The following RABGAP1L variants were observed in gnomAD, a reference collection of about 807,000 sequenced individuals.
RABGAP1L encodes rab GTPase-activating protein 1-like.
Under a neutral mutation model 137.7 loss-of-function variants are expected in RABGAP1L, and 63 were observed. The ratio of observed to expected loss-of-function variants is 0.46; its 90% CI spans 0.37 to 0.56. RABGAP1L has a LOEUF of 0.56. Ranked by LOEUF, RABGAP1L falls within the 20% of genes least tolerant of loss-of-function variation. RABGAP1L has a pLI of 0.00. For synonymous variants in RABGAP1L, 431 were observed against 433.7 expected, an observed-to-expected ratio of 0.99 and a Z score of 0.08; for missense variants, 1,095 against 1,244.0, an observed-to-expected ratio of 0.88 and a Z score of 1.80.
At chr1:174,736,008 A>C (rs1431200809) in intron 17 of RABGAP1L, among the ~76,000 whole-genome samples, 3 of 152,220 alleles carry the variant, frequency 2.0e-5, no homozygotes, top group Non-Finnish European at 4.4e-5. Context: ...TATCCAGCCC[A>C]TGTCATTCTA....
chr1:174,635,072 G>T lies in RABGAP1L; in HGVS notation c.1711-2303G>T, dbSNP rs188271839. Reference sequence around the variant, plus strand: ...ATAATAAAATAAAAAAATAAAAAAAGAAAAAAAAGAAAAAAATTACTCAGT... The same window carrying T: ...ATAATAAAATAAAAAAATAAAAAAATAAAAAAAAGAAAAAAATTACTCAGT... On this transcript the variant is annotated intron_variant, in intron 13 of 25. Coordinates refer to ENST00000681986, the MANE Select transcript of RABGAP1L (RefSeq NM_001366446.1). Among the ~76,000 whole-genome samples, 21 of 150,342 alleles carry T rather than the reference G, an allele frequency of 1.4e-4. No homozygotes were observed. In the East Asian group the frequency reaches 2.1e-3, roughly 15 times the overall value.
chr1:174,250,555 T>G lies in RABGAP1L; in HGVS notation c.798T>G (p.Ile266Met), dbSNP rs1433207021. Residue 266 changes from isoleucine (I) to methionine (M), a missense_variant, in exon 6 of 26, where the codon ATT becomes ATG. By Grantham distance (10) the Ile-to-Met change is conservative (BLOSUM62 1). Coordinates refer to ENST00000681986, the MANE Select transcript of RABGAP1L (RefSeq NM_001366446.1). ...TGTCTGATGTTAAAGACTCAGTTATTCCTACCCCCGACAGTGATGTGTTTA... is the reference window on the plus strand; with the variant it reads ...TGTCTGATGTTAAAGACTCAGTTATGCCTACCCCCGACAGTGATGTGTTTA... ...RQVSDVKDSV[I>M]PTPDSDVFTF... 1 of 1,613,830 alleles carries G rather than the reference T, an allele frequency of 6.2e-7. No homozygotes were observed. Among genetic ancestry groups the G allele is most frequent in the African/African-American group, 1.3e-5 (1 of 74,916 alleles).
Position 174,914,728 on chromosome 1 carries a change from CAG to C in RABGAP1L, c.2341-42724_2341-42723del, listed in dbSNP as rs373706665. 3.4e-4 allele frequency among the ~76,000 whole-genome samples: 51 copies of C among 152,114 alleles called. No individual in the cohort carries two copies. In the East Asian group the frequency reaches 6.4e-3, roughly 19 times the overall value. Reference sequence around the variant, plus strand: ...AAATTCACCTGTTTGTGCAATTTAGCAGAGAGTTCACAGAGTTATGCATCCAT... The same window carrying C: ...AAATTCACCTGTTTGTGCAATTTAGCAGAGTTCACAGAGTTATGCATCCAT... On this transcript the variant is annotated intron_variant, in intron 19 of 25. Transcript: ENST00000681986.
intron 18 of RABGAP1L, among the ~76,000 whole-genome samples, chr1:174,790,068 G>T (rs551404954): frequency 6.6e-6 from 1 of 151,714 alleles, no homozygotes; most frequent in African/African-American, 2.4e-5. Context: ...AAATTAGCTG[G>T]CTGTGGTGGC....
rs1447569170 is a variant in RABGAP1L, at chr1:174,873,301, C to T, written c.2340+61341C>T. ...GGCCAGGCTGGTCTCCAACTCCTGACCTCGTGATCCACCCGCCTCGGCCTC... is the reference window on the plus strand; with the variant it reads ...GGCCAGGCTGGTCTCCAACTCCTGATCTCGTGATCCACCCGCCTCGGCCTC... On this transcript the variant is annotated intron_variant, in intron 19 of 25. Transcript: ENST00000681986. Among the ~76,000 whole-genome samples the T allele has an allele frequency of 2.0e-5, 3 of 152,080 alleles. No individual in the cohort carries two copies. In the East Asian group the frequency reaches 5.8e-4, roughly 29 times the overall value.
intron 7 of RABGAP1L, among the ~76,000 whole-genome samples, chr1:174,270,195 CTTT>C (rs758618582): frequency 1.4e-5 from 2 of 139,424 alleles, no homozygotes; most frequent in African/African-American, 2.6e-5. Context: ...GGTGGCAGGG[CTTT>C]TTTTTTTTTT....
chr1:174,348,327 G>T (rs1319774231), intron 11 of RABGAP1L, among the ~76,000 whole-genome samples: 1 of 142,836 alleles, frequency 7.0e-6, no homozygotes, highest in Non-Finnish European at 1.5e-5. Flanking sequence ...AGCAAAAACT[G>T]TGATTACTTT....
chr1:174,252,447 A>T (rs764546264), intron 6 of RABGAP1L, 33 bp from the exon 7 acceptor site: 2 of 1,589,450 alleles, frequency 1.3e-6, no homozygotes, highest in Non-Finnish European at 1.7e-6. Flanking sequence ...TTATTAGATT[A>T]TTGGTAATTC....
intron 19 of RABGAP1L, among the ~76,000 whole-genome samples, chr1:174,955,872 A>G (rs1454628428): frequency 1.3e-5 from 2 of 152,194 alleles, no homozygotes; most frequent in Non-Finnish European, 2.9e-5. Context: ...GCTTCAGCCC[A>G]GGAGTTTGAG....
intron 13 of RABGAP1L, among the ~76,000 whole-genome samples, chr1:174,596,795 G>T (rs575475525): frequency 1.8e-4 from 27 of 152,148 alleles, no homozygotes; most frequent in Non-Finnish European, 3.7e-4. Context: ...TCTTGTTCCA[G>T]ATCTTGGAGG....
chr1:174,907,377 A>T (rs1359652962), intron 19 of RABGAP1L, among the ~76,000 whole-genome samples: 1 of 152,014 alleles, frequency 6.6e-6, no homozygotes, highest in Non-Finnish European at 1.5e-5. Context: ...CAGTGGCATG[A>T]TTATGGTTCA....
intron 13 of RABGAP1L, among the ~76,000 whole-genome samples, chr1:174,395,985 A>G (rs931150717): frequency 1.3e-5 from 2 of 152,162 alleles, no homozygotes; most frequent in Non-Finnish European, 2.9e-5. Flanking sequence ...TAGATATGAT[A>G]ACAAAACCAT....
chr1:174,799,832 CTCA>C, intron 18 of RABGAP1L: 1 of 990,204 alleles, frequency 1.0e-6, no homozygotes, highest in Non-Finnish European at 1.2e-6. Context: ...TTGCAATGAG[CTCA>C]TCGTTTTCTC....
chr1:174,458,717 C>T (rs1314871030), intron 13 of RABGAP1L, among the ~76,000 whole-genome samples: 2 of 152,030 alleles, frequency 1.3e-5, no homozygotes, highest in Non-Finnish European at 2.9e-5. Flanking sequence ...TATTTAACTA[C>T]TAATATAACA....
In RABGAP1L at chr1:174,647,760, G is replaced by T. The variant is rs368958742; in HGVS notation, c.1824+10272G>T. Among the ~76,000 whole-genome samples, 5 of 152,046 alleles carry T rather than the reference G, an allele frequency of 3.3e-5. No homozygotes were observed. The East Asian group carries it at 7.7e-4, about 23-fold the overall frequency. On this transcript the variant is annotated intron_variant, in intron 14 of 25. Coordinates refer to ENST00000681986, the MANE Select transcript of RABGAP1L (RefSeq NM_001366446.1). ...GAGGAGTCCCTCTTTTTCTATTTTT[G>T]AAATAGTTTCAGAAGGAATGGTACT...
intron 13 of RABGAP1L, among the ~76,000 whole-genome samples, chr1:174,569,311 C>A (rs924272306): frequency 3.3e-5 from 5 of 152,146 alleles, no homozygotes; most frequent in Non-Finnish European, 7.4e-5. Flanking sequence ...TACCATCTGA[C>A]CTTCTTCCCT....
intron 13 of RABGAP1L, chr1:174,548,282 T>C (rs1666181808): frequency 7.5e-7 from 1 of 1,325,912 alleles, no homozygotes; most frequent in Non-Finnish European, 9.7e-7. Context: ...TATATAACAT[T>C]AGTTAAGTTG....
At chr1:174,636,713 G>T (rs1432841803) in intron 13 of RABGAP1L, among the ~76,000 whole-genome samples, 1 of 152,104 alleles carries the variant, frequency 6.6e-6, no homozygotes, top group Non-Finnish European at 1.5e-5. Flanking sequence ...TTAGACAGAT[G>T]AGAAATACAT....
chr1:174,448,792 C>A lies in RABGAP1L; in HGVS notation c.1710+54647C>A, dbSNP rs777572121. 6.2e-7 allele frequency: 1 copy of A among 1,613,974 alleles called. No homozygotes were observed. The highest frequency in any genetic ancestry group is 1.1e-5 in the South Asian group (1 of 91,076). Reference sequence around the variant, plus strand: ...TCTGCTTCACTTACTTCCACATTTTCAAAATTTGCCGTCAGCACACCAAAG... The same window carrying A: ...TCTGCTTCACTTACTTCCACATTTTAAAAATTTGCCGTCAGCACACCAAAG... On this transcript the variant is annotated intron_variant, in intron 13 of 25. Coordinates refer to ENST00000681986, the MANE Select transcript of RABGAP1L (RefSeq NM_001366446.1). This position sits in a 1 kb window ranked among gnomAD's most constrained non-coding sequence, Gnocchi z 4.2.
Sources: allele counts gnomAD v4.1 joint callset (sites outside exome capture counted in the v4.1 genomes callset), GRCh38; gene constraint gnomAD v4.1.1; non-coding constraint Gnocchi (gnomAD v3.1); transcripts MANE v1.5; gene names NCBI Gene and HGNC (gene_info 2026-07-23, HGNC 2026-07-21).